Variants in LPP observed in about 807,000 individuals in gnomAD.
The protein encoded by LPP is LIM domain containing preferred translocation partner in lipoma, also known as lipoma-preferred partner.
In LPP, 38 loss-of-function variants were observed where a neutral mutation model predicts 60.4. The ratio of observed to expected loss-of-function variants is 0.63; its 90% confidence interval spans 0.49 to 0.83. The LOEUF (loss-of-function observed/expected upper bound fraction) is 0.83. Ranked by LOEUF, LPP falls within the 40% of genes least tolerant of loss-of-function variation. The pLI, the probability that LPP is intolerant of heterozygous loss-of-function variation, is 0.00. For missense variants in LPP, 902 were observed against 783.6 expected (o/e 1.15, Z -1.80); for synonymous variants, 328 against 290.8 (o/e 1.13, Z -1.30).
chr3:188,551,929 A>T (rs1828238981), intron 6 of LPP, among the ~76,000 whole-genome samples: 1 of 152,226 alleles, frequency 6.6e-6, no homozygotes, highest in Admixed American at 6.5e-5. Context: ...AATTAGAATG[A>T]TGTGATGCCA....
intron 2 of LPP, among the ~76,000 whole-genome samples, chr3:188,310,560 G>C (rs1753083801): frequency 6.6e-6 from 1 of 152,192 alleles, no homozygotes; most frequent in Non-Finnish European, 1.5e-5. Context: ...TTGTGTTGAA[G>C]AGTCTATGAA....
intron 8 of LPP, among the ~76,000 whole-genome samples, chr3:188,745,002 GGGAGA>G (rs1422546043): frequency 1.3e-5 from 2 of 151,716 alleles, no homozygotes; most frequent in East Asian, 3.9e-4. Flanking sequence ...CTGCTTTTTA[GGGAGA>G]ACAGGGTAAA....
At chr3:188,702,313 T>C (rs186601873) in intron 7 of LPP, among the ~76,000 whole-genome samples, 4 of 151,590 alleles carry the variant, frequency 2.6e-5, no homozygotes, top group Admixed American at 2.6e-4. Context: ...TTTAACTTTC[T>C]TCCTTCTTTC....
At chr3:188,735,340 T>A (rs991371757) in intron 8 of LPP, among the ~76,000 whole-genome samples, 1 of 152,066 alleles carries the variant, frequency 6.6e-6, no homozygotes, top group Non-Finnish European at 1.5e-5. Context: ...TAATTCTTAC[T>A]GTATGTAGTG....
At chr3:188,455,289 AAAG>A (rs1270223169) in intron 4 of LPP, among the ~76,000 whole-genome samples, 2 of 152,190 alleles carry the variant, frequency 1.3e-5, no homozygotes, top group East Asian at 3.9e-4. Flanking sequence ...AGGATTAAAA[AAAG>A]AGAAGGTACT....
At chr3:188,357,276 G>T (rs1331084515) in intron 3 of LPP, among the ~76,000 whole-genome samples, 2 of 152,282 alleles carry the variant, frequency 1.3e-5, no homozygotes, top group African/African-American at 4.8e-5. Context: ...AGACAGGAAA[G>T]AAGGTGAACG....
intron 9 of LPP, among the ~76,000 whole-genome samples, chr3:188,809,428 T>C (rs1750197351): frequency 6.6e-6 from 1 of 152,234 alleles, no homozygotes; most frequent in African/African-American, 2.4e-5. Flanking sequence ...ATTTATCTAA[T>C]GATCAGTGTC....
intron 6 of LPP, among the ~76,000 whole-genome samples, chr3:188,590,638 A>G (rs1003742710): frequency 3.9e-5 from 6 of 152,198 alleles, no homozygotes; most frequent in Non-Finnish European, 7.3e-5. Flanking sequence ...AGGACAGACC[A>G]CAGTGCAAGC....
At position 188,877,595 on chromosome 3, in the gene LPP, C is replaced by T. The variant is rs1182316503; in HGVS notation, c.*3116C>T. On this transcript the variant is annotated 3_prime_UTR_variant, in exon 12 of 12. Coordinates refer to ENST00000617246, the MANE Select transcript of LPP (RefSeq NM_001375462.1). ...GTGTGGTGACTCACACTTGTAATCC[C>T]AGCAATTTGGGAGGCTGAGACAGGA... 5.3e-6 allele frequency: 1 copy of T among 187,688 alleles called. No homozygotes were observed. The highest frequency in any genetic ancestry group is 1.1e-5 in the Non-Finnish European group (1 of 89,086). 11.6% of individuals were successfully genotyped at this position (187,688 alleles called of 1,614,324 possible).
chr3:188,564,829 G>T (rs1446404147), intron 6 of LPP, among the ~76,000 whole-genome samples: 1 of 151,892 alleles, frequency 6.6e-6, no homozygotes, highest in Non-Finnish European at 1.5e-5. Flanking sequence ...TGTTGGACAA[G>T]GACTTAGCTT....
chr3:188,842,063 C>T (rs1017753692), intron 9 of LPP, among the ~76,000 whole-genome samples: 1 of 152,146 alleles, frequency 6.6e-6, no homozygotes, highest in African/African-American at 2.4e-5. Context: ...TTGCACTGGC[C>T]AGAACTTCCA....
At chr3:188,853,530 T>A (rs1395106183) in intron 9 of LPP, among the ~76,000 whole-genome samples, 1 of 152,176 alleles carries the variant, frequency 6.6e-6, no homozygotes, top group Non-Finnish European at 1.5e-5. Flanking sequence ...CACAAAGTGT[T>A]TAAAAGCTTG....
intron 7 of LPP, among the ~76,000 whole-genome samples, chr3:188,666,619 G>A (rs1294516946): frequency 6.6e-6 from 1 of 152,132 alleles, no homozygotes; most frequent in Non-Finnish European, 1.5e-5. Context: ...TTTTCAACAG[G>A]AAAGAAGGAA....
chr3:188,272,302 TGGTA>T (rs1400478827), intron 2 of LPP, among the ~76,000 whole-genome samples: 2 of 152,212 alleles, frequency 1.3e-5, no homozygotes, highest in Non-Finnish European at 2.9e-5. Flanking sequence ...TGCATGTACT[TGGTA>T]TGCCCGGTGA....
intron 5 of LPP, among the ~76,000 whole-genome samples, chr3:188,509,877 T>G (rs1042333667): frequency 7.6e-5 from 11 of 144,226 alleles, no homozygotes; most frequent in South Asian, 2.2e-4. Context: ...TTTGTTGTTT[T>G]TTTTTTTTTT....
intron 7 of LPP, among the ~76,000 whole-genome samples, chr3:188,694,836 T>G (rs1232823971): frequency 6.6e-6 from 1 of 152,232 alleles, no homozygotes. Context: ...GACTATATCA[T>G]TAAAAAATGT....
chr3:188,625,007 T>G (rs998716985), intron 7 of LPP, among the ~76,000 whole-genome samples: 1 of 152,034 alleles, frequency 6.6e-6, no homozygotes, highest in Non-Finnish European at 1.5e-5. Context: ...GTGAGGGAAG[T>G]CTTAGGTTTC....
chr3:188,687,306 A>G (rs1424362797), intron 7 of LPP, among the ~76,000 whole-genome samples: 1 of 152,082 alleles, frequency 6.6e-6, no homozygotes, highest in Admixed American at 6.5e-5. Flanking sequence ...TGAAAGTGCT[A>G]ATTTGGGAGT....
intron 2 of LPP, among the ~76,000 whole-genome samples, chr3:188,250,740 TTCTTTC>T (rs1728903173): frequency 1.0e-5 from 1 of 96,134 alleles, no homozygotes; most frequent in African/African-American, 4.5e-5. Flanking sequence ...CTTTCTTTCT[TTCTTTC>T]TTTCTTTCTT....
Sources: gnomAD v4.1 joint callset for allele counts (sites outside exome capture counted in the v4.1 genomes callset) on GRCh38, gnomAD v4.1.1 for gene constraint, MANE v1.5 for transcripts, NCBI Gene and HGNC (gene_info 2026-07-23, HGNC 2026-07-21) for gene names.